The following CFAP97D2 variants were observed in gnomAD, a reference collection of about 807,000 sequenced individuals.
CFAP97D2 encodes uncharacterized protein CFAP97D2.
intron 3 of CFAP97D2, among the ~76,000 whole-genome samples, chr13:114,202,681 G>A (rs1258098515): frequency 6.6e-6 from 1 of 152,214 alleles, no homozygotes; most frequent in East Asian, 1.9e-4. Flanking sequence ...GTCTGCAGTT[G>A]CCTGTTGCTG....
intron 1 of CFAP97D2, among the ~76,000 whole-genome samples, chr13:114,191,192 C>T (rs966769673): frequency 1.1e-4 from 17 of 151,710 alleles, no homozygotes; most frequent in Non-Finnish European, 2.1e-4. Flanking sequence ...TTTTTTAAAT[C>T]AGCAAGCAGA....
chr13:114,183,403 G>T (rs1317566526), intron 1 of CFAP97D2, among the ~76,000 whole-genome samples: 1 of 152,020 alleles, frequency 6.6e-6, no homozygotes, highest in African/African-American at 2.4e-5. Context: ...TCTGACCTCA[G>T]GTGATTAGCC....
At chr13:114,181,632 C>G (rs2080832831) in intron 1 of CFAP97D2, among the ~76,000 whole-genome samples, 1 of 152,156 alleles carries the variant, frequency 6.6e-6, no homozygotes, top group Non-Finnish European at 1.5e-5. Context: ...AATGTTTCTC[C>G]CAAATTAAGA....
intron 1 of CFAP97D2, among the ~76,000 whole-genome samples, chr13:114,180,536 G>T (rs937220181): frequency 1.3e-5 from 2 of 152,138 alleles, no homozygotes; most frequent in African/African-American, 4.8e-5. Flanking sequence ...CCGCTCTCTG[G>T]TTCCTGGGCC....
exon 3 of CFAP97D2, chr13:114,200,351 C>A (rs948162479): frequency 2.5e-6 from 1 of 398,664 alleles, no homozygotes; most frequent in Non-Finnish European, 4.4e-6. Flanking sequence ...TCTCCGTCAT[C>A]GAGAGGGACA....
At chr13:114,191,162 T>A (rs890046021) in intron 1 of CFAP97D2, among the ~76,000 whole-genome samples, 1 of 152,096 alleles carries the variant, frequency 6.6e-6, no homozygotes, top group African/African-American at 2.4e-5. Context: ...TAGAGGACCA[T>A]GAGTATGGGA....
chr13:114,191,702 C>T (rs191592905), intron 1 of CFAP97D2, among the ~76,000 whole-genome samples: 1 of 152,300 alleles, frequency 6.6e-6, no homozygotes, highest in East Asian at 1.9e-4. Flanking sequence ...CAAAACTAAA[C>T]ATACTATTAC....
chr13:114,192,710 A>C (rs1350202043), intron 1 of CFAP97D2, among the ~76,000 whole-genome samples: 2 of 152,256 alleles, frequency 1.3e-5, no homozygotes, highest in African/African-American at 4.8e-5. Context: ...ATCAATATGA[A>C]GACAAAAACA....
At chr13:114,198,020 G>A (rs1402721607) in intron 2 of CFAP97D2, among the ~76,000 whole-genome samples, 1 of 151,786 alleles carries the variant, frequency 6.6e-6, no homozygotes, top group Non-Finnish European at 1.5e-5. Context: ...ACGGAGTCTC[G>A]CTCTGTTGCC....
At chr13:114,208,221 C>G (rs773237803) in intron 3 of CFAP97D2, among the ~76,000 whole-genome samples, 10 of 152,350 alleles carry the variant, frequency 6.6e-5, no homozygotes, top group Non-Finnish European at 1.0e-4. Context: ...TTAATACATG[C>G]AAATGCTTAG....
chr13:114,214,669 T>C (rs983311911), intron 4 of CFAP97D2, among the ~76,000 whole-genome samples: 12 of 152,144 alleles, frequency 7.9e-5, no homozygotes, highest in Non-Finnish European at 1.6e-4. Context: ...TCACTGCAAC[T>C]TCTGCCACCC....
At chr13:114,200,805 G>C (rs2080914421) in intron 3 of CFAP97D2, among the ~76,000 whole-genome samples, 1 of 152,206 alleles carries the variant, frequency 6.6e-6, no homozygotes, top group East Asian at 1.9e-4. Flanking sequence ...GAGGCACTGG[G>C]AGGTGGCAGA....
intron 2 of CFAP97D2, 40 bp from the exon 3 acceptor site, chr13:114,200,285 A>C (rs2080911349): frequency 2.5e-6 from 1 of 396,784 alleles, no homozygotes; most frequent in East Asian, 3.6e-5. Flanking sequence ...AGAGCCTCGC[A>C]ATCTGCCGGC....
downstream of CFAP97D2, chr13:114,222,704 A>G (rs766882788): frequency 1.4e-4 from 55 of 393,874 alleles, no homozygotes; most frequent in Admixed American, 7.1e-4. This position sits in a 1 kb window ranked among gnomAD's most constrained non-coding sequence, Gnocchi z 4.4. Flanking sequence ...AGCCTTGCCC[A>G]GGGCCGGGGC....
At chr13:114,215,440 A>G (rs1016333389) in intron 4 of CFAP97D2, among the ~76,000 whole-genome samples, 1 of 152,156 alleles carries the variant, frequency 6.6e-6, no homozygotes, top group African/African-American at 2.4e-5. Context: ...CCCTTATGGC[A>G]TCTGGTCTGT....
At chr13:114,213,518 T>C (rs1200292066) in intron 4 of CFAP97D2, among the ~76,000 whole-genome samples, 1 of 89,286 alleles carries the variant, frequency 1.1e-5, no homozygotes, top group Non-Finnish European at 2.1e-5. Flanking sequence ...TCCAGGCCAA[T>C]GAACCCCACC....
intron 1 of CFAP97D2, among the ~76,000 whole-genome samples, chr13:114,180,172 G>A (rs761502123): frequency 2.0e-5 from 3 of 152,228 alleles, no homozygotes; most frequent in Non-Finnish European, 2.9e-5. Context: ...GTCTCCACAT[G>A]TGTGTTGATC....
At chr13:114,193,440 G>T (rs1185082580) in intron 1 of CFAP97D2, among the ~76,000 whole-genome samples, 4 of 152,126 alleles carry the variant, frequency 2.6e-5, no homozygotes, top group Admixed American at 1.3e-4. Flanking sequence ...CAAAATCAAG[G>T]CACTGGCAGC....
At chr13:114,200,641 C>G (rs2080913538) in intron 3 of CFAP97D2, among the ~76,000 whole-genome samples, 198 bp downstream of exon 3, 1 of 152,216 alleles carries the variant, frequency 6.6e-6, no homozygotes, top group African/African-American at 2.4e-5. Context: ...GACTCCTAGG[C>G]TGTTTCCGCA....
Sources: allele counts gnomAD v4.1 joint callset (sites outside exome capture counted in the v4.1 genomes callset), GRCh38; gene constraint gnomAD v4.1.1; non-coding constraint Gnocchi (gnomAD v3.1); transcripts MANE v1.5; gene names NCBI Gene and HGNC (gene_info 2026-07-23, HGNC 2026-07-21).